The following CHD7 variants were observed in gnomAD, a reference collection of about 807,000 sequenced individuals.
CHD7 encodes ATP-dependent chromatin remodeler CHD7.
Under a neutral mutation model 307.3 loss-of-function variants are expected in CHD7, and 24 were observed. The ratio of observed to expected loss-of-function variants is 0.08; its 90% confidence interval spans 0.06 to 0.11. The LOEUF is 0.11. Among genes scored for constraint, CHD7 ranks in the 10% least tolerant of loss-of-function variants. The pLI is 1.00. For missense variants in CHD7, 3,106 were observed against 3,727.1 expected, an observed-to-expected ratio of 0.83 and a Z score of 4.34; for synonymous variants, 1,363 against 1,349.9, an observed-to-expected ratio of 1.01 and a Z score of -0.21.
chr8:60,833,300 T>TA (rs1259151733), intron 15 of CHD7, among the ~76,000 whole-genome samples: 1 of 152,250 alleles, frequency 6.6e-6, no homozygotes, highest in African/African-American at 2.4e-5. Flanking sequence ...GCTCAAGCTT[T>TA]ATTTCAATGG....
At chr8:60,685,510 C>T (rs1471479512) in intron 1 of CHD7, among the ~76,000 whole-genome samples, 1 of 152,044 alleles carries the variant, frequency 6.6e-6, no homozygotes, top group Admixed American at 6.5e-5. Flanking sequence ...TTTGGGTTCC[C>T]GGCACGTGGG....
rs750047137 is a variant in CHD7 at position 60,853,254 on chromosome 8, G to A, written c.6529G>A (p.Glu2177Lys). ...GGAACAAGCCGAAGGCAAAGTGGAG[G>A]AGCCTGAAAACCCAGCTGCCAAGGA... ...VLEQAEGKVE[E>K]PENPAAKEKC... Residue 2177 changes from glutamate to lysine, a missense_variant, in exon 31 of 38, where the codon GAG becomes AAG. Glu to Lys is a moderately conservative substitution (Grantham distance 56). Coordinates refer to ENST00000423902, the MANE Select transcript of CHD7 (RefSeq NM_017780.4). The A allele has an allele frequency of 2.7e-5, 44 of 1,613,312 alleles. No individual in the cohort carries two copies. The Admixed American group carries it at 7.3e-4, about 27-fold the overall frequency.
chr8:60,689,831 A>G (rs1806107440), intron 1 of CHD7, among the ~76,000 whole-genome samples: 1 of 152,242 alleles, frequency 6.6e-6, no homozygotes, highest in Admixed American at 6.5e-5. Context: ...TCCAAGACGT[A>G]GCCGACATCA....
chr8:60,813,947 G>A (rs1439186247), intron 7 of CHD7, among the ~76,000 whole-genome samples: 2 of 152,008 alleles, frequency 1.3e-5, no homozygotes, highest in Non-Finnish European at 2.9e-5. Flanking sequence ...TTCATAAAGA[G>A]TAGTTACATT....
chr8:60,764,010 C>A (rs774427918), intron 2 of CHD7, among the ~76,000 whole-genome samples: 2 of 151,942 alleles, frequency 1.3e-5, no homozygotes, highest in Non-Finnish European at 2.9e-5. Flanking sequence ...TTTTTTGAGA[C>A]AGAGTCTCAT....
chr8:60,753,246 C>T (rs1369239104), intron 2 of CHD7, among the ~76,000 whole-genome samples: 1 of 152,188 alleles, frequency 6.6e-6, no homozygotes, highest in African/African-American at 2.4e-5. Flanking sequence ...TTTATCCAGA[C>T]AGTGGAACAT....
chr8:60,726,977 A>T (rs1319891046), intron 1 of CHD7, among the ~76,000 whole-genome samples: 1 of 151,948 alleles, frequency 6.6e-6, no homozygotes, highest in African/African-American at 2.4e-5. Context: ...GCCTACTTCT[A>T]TTAGTGTTTA....
chr8:60,859,209 G>A (rs1046327170), intron 34 of CHD7, among the ~76,000 whole-genome samples: 2 of 151,984 alleles, frequency 1.3e-5, no homozygotes, highest in African/African-American at 4.8e-5. Flanking sequence ...TGATGTGCAT[G>A]CACATAAAAT....
At chr8:60,805,624 A>G (rs1443941187) in intron 6 of CHD7, among the ~76,000 whole-genome samples, 1 of 152,178 alleles carries the variant, frequency 6.6e-6, no homozygotes, top group Non-Finnish European at 1.5e-5. Context: ...CAGACTTGAG[A>G]CAAAATAAAA....
chr8:60,691,899 G>C (rs1806212234), intron 1 of CHD7, among the ~76,000 whole-genome samples: 1 of 152,040 alleles, frequency 6.6e-6, no homozygotes, highest in South Asian at 2.1e-4. Context: ...TATTTATTGG[G>C]AGTTAGAATT....
At chr8:60,816,541 G>A (rs1187626237) in intron 8 of CHD7, 40 bp downstream of exon 8, 4 of 1,161,768 alleles carry the variant, frequency 3.4e-6, no homozygotes, top group Middle Eastern at 4.1e-4. Context: ...TATTTACTTT[G>A]TTAAAATGTT....
chr8:60,754,225 A>G (rs560466724), intron 2 of CHD7, among the ~76,000 whole-genome samples: 1 of 152,302 alleles, frequency 6.6e-6, no homozygotes, highest in African/African-American at 2.4e-5. Flanking sequence ...CTTCATATAC[A>G]CTGAGAACTC....
chr8:60,865,100 C>A lies in CHD7; in HGVS notation c.8161C>A (p.Pro2721Thr). The change falls in exon 38 of 38, where the codon CCC becomes ACC. Residue 2721 changes from proline (P) to threonine (T), a missense_variant. Coordinates refer to ENST00000423902, the MANE Select transcript of CHD7 (RefSeq NM_017780.4). This position sits in a 1 kb window ranked among gnomAD's most constrained non-coding sequence, Gnocchi z 4.3. ...GGGAGCGAGCAGAAGAGGAAGAAGG[C>A]CCAAAAGTGAGATCGCCAGAGCAGC... ...GEGASRRGRR[P>T]KSEIARAAAA... is the part of the protein sequence containing the mutation. 6.2e-7 allele frequency: 1 copy of A among 1,610,710 alleles called. No individual in the cohort carries two copies. The highest frequency in any genetic ancestry group is 8.5e-7 in the Non-Finnish European group (1 of 1,178,524).
At chr8:60,743,299 G>T (rs753888031) in intron 2 of CHD7, among the ~76,000 whole-genome samples, 53 of 152,242 alleles carry the variant, frequency 3.5e-4, no homozygotes, top group Admixed American at 2.0e-4. Flanking sequence ...TTAAGGATAT[G>T]TAGATAACTA....
At chr8:60,730,199 C>T (rs1274796043) in intron 1 of CHD7, among the ~76,000 whole-genome samples, 2 of 152,054 alleles carry the variant, frequency 1.3e-5, no homozygotes, top group East Asian at 3.8e-4. Flanking sequence ...TTAGTTTTCC[C>T]CCAGTACATG....
chr8:60,742,632 A>G lies in CHD7; in HGVS notation c.1200A>G (p.Lys400=). 1 of 1,612,204 alleles carries G rather than the reference A, an allele frequency of 6.2e-7. No homozygotes were observed. The highest frequency in any genetic ancestry group is 8.5e-7 in the Non-Finnish European group (1 of 1,178,602). The change falls in exon 2 of 38, where the codon AAA becomes AAG. Residue 400 remains lysine (K), a synonymous_variant. Coordinates refer to ENST00000423902, the MANE Select transcript of CHD7 (RefSeq NM_017780.4). ...CTCCACCTCCCATGTCACCCATGAAAGCAATGAGTAATCCAGCAGGCACTC... is the reference window on the plus strand; with the variant it reads ...CTCCACCTCCCATGTCACCCATGAAGGCAATGAGTAATCCAGCAGGCACTC... ...YASPPPMSPM[K]AMSNPAGTPP... is the part of the protein sequence containing the mutation.
At chr8:60,744,478 A>ATTTTT (rs569101482) in intron 2 of CHD7, among the ~76,000 whole-genome samples, 1 of 66,672 alleles carries the variant, frequency 1.5e-5, no homozygotes, top group Admixed American at 2.0e-4. Flanking sequence ...TCAGAGCAGC[A>ATTTTT]TTTTTTTTTT....
chr8:60,724,556 A>G (rs973686095), intron 1 of CHD7, among the ~76,000 whole-genome samples: 1 of 152,192 alleles, frequency 6.6e-6, no homozygotes, highest in Non-Finnish European at 1.5e-5. Flanking sequence ...GAGGAAGCTG[A>G]AGTTTAGAGA....
rs762168448 is a variant in CHD7, at chr8:60,781,153, G to A, written c.1819G>A (p.Val607Ile). The A allele has an allele frequency of 6.2e-7, 1 of 1,608,724 alleles. No individual in the cohort carries two copies. The highest frequency in any genetic ancestry group is 8.5e-7 in the Non-Finnish European group (1 of 1,177,516). Residue 607 changes from valine to isoleucine, a missense_variant, in exon 3 of 38, where the codon GTA becomes ATA. Val to Ile is a conservative substitution (Grantham distance 29). Coordinates refer to ENST00000423902, the MANE Select transcript of CHD7 (RefSeq NM_017780.4). Reference sequence around the variant, plus strand: ...GAAGAAAAAGAAAAACAACCACATTGTAGCAGAGGATCCCAGTAAAGGTTT... The same window carrying A: ...GAAGAAAAAGAAAAACAACCACATTATAGCAGAGGATCCCAGTAAAGGTTT... ...KKKKKKNNHI[V>I]AEDPSKGFGK...
Sources: allele counts gnomAD v4.1 joint callset (sites outside exome capture counted in the v4.1 genomes callset), GRCh38; gene constraint gnomAD v4.1.1; non-coding constraint Gnocchi (gnomAD v3.1); transcripts MANE v1.5; gene names NCBI Gene and HGNC (gene_info 2026-07-23, HGNC 2026-07-21).